PRRT3: variants seen among roughly 807,000 people sequenced by gnomAD.
PRRT3 encodes proline rich transmembrane protein 3.
A neutral mutation model predicts 56.6 loss-of-function variants in PRRT3; 48 were observed. The observed-to-expected ratio is 0.85, with a 90% confidence interval of 0.67 to 1.08. The LOEUF (loss-of-function observed/expected upper bound fraction) is 1.08, where lower values mean the gene tolerates loss of function less well. PRRT3 is among the 50% of genes least tolerant of loss of function. The probability of loss-of-function intolerance (pLI) is 0.00; values close to 1 mark genes in which losing one functional copy is unlikely to be tolerated. For missense variants in PRRT3, 1,370 were observed against 1,353.1 expected (o/e 1.01, Z -0.20); for synonymous variants, 641 against 619.1 (o/e 1.04, Z -0.52).
chr3:9,952,102 C>T (rs546217868), intron 1 of PRRT3, among the ~76,000 whole-genome samples: 8 of 152,294 alleles, frequency 5.3e-5, no homozygotes, highest in Non-Finnish European at 1.0e-4. Flanking sequence ...AGGGCGAGGC[C>T]GTTGCGGGGC....
intron 1 of PRRT3, among the ~76,000 whole-genome samples, chr3:9,951,789 G>A (rs2085623424): frequency 6.6e-6 from 1 of 152,184 alleles, no homozygotes; most frequent in Admixed American, 6.5e-5. Flanking sequence ...GGGAAGAAAC[G>A]GGGGTTCAGA....
At position 9,947,882 on chromosome 3, in the gene PRRT3, G is replaced by A; in HGVS notation, c.1291C>T (p.Pro431Ser). Residue 431 changes from proline to serine, a missense_variant, in exon 4 of 4, where the codon CCT (proline) becomes TCT (serine). Coordinates refer to ENST00000412055, the MANE Select transcript of PRRT3 (RefSeq NM_207351.5). The surrounding 1 kb of genome is among the most constrained non-coding windows in gnomAD (Gnocchi z 9.2). ...CTGGCGGTGGGCTCCGGAGGGGGAG[G>A]CTGGCCCAGGGCTCGCTGCGTGGTG... The part of the protein sequence containing the change: ...RVTTQRALGQ[P>S]PPPEPTASSM... The A allele has an allele frequency of 1.4e-6, 2 of 1,428,476 alleles. No homozygotes were observed. The highest frequency in any genetic ancestry group is 9.2e-7 in the Non-Finnish European group (1 of 1,091,976). 88.5% of individuals were successfully genotyped at this position (1,428,476 alleles called of 1,614,324 possible).
At position 9,947,467 on chromosome 3, in the gene PRRT3, T is replaced by C; in HGVS notation, c.1706A>G (p.Gln569Arg). Residue 569 changes from glutamine (Q) to arginine (R), a missense_variant, in exon 4 of 4, where the codon CAA becomes CGA. By Grantham distance (43) the Gln-to-Arg change is conservative. Transcript: ENST00000412055. The surrounding 1 kb of genome is among the most constrained non-coding windows in gnomAD (Gnocchi z 9.2). The stretch of plus-strand genomic sequence containing the variant: ...CACTGCTCCCAGCAGGAGTGGGTTT[T>C]GCAGCGGTGGCGGCAGCCCCGCGCC... ...GLGAGLPPPL[Q>R]NPLLLGAVAL... The C allele has an allele frequency of 6.2e-7, 1 of 1,612,424 alleles. No homozygotes were observed. Among genetic ancestry groups the C allele is most frequent in the Non-Finnish European group, 8.5e-7 (1 of 1,179,616 alleles).
At position 9,947,193 on chromosome 3, in the gene PRRT3, C is replaced by T; in HGVS notation, c.1980G>A (p.Trp660Ter). Residue 660 changes from tryptophan to a stop codon, truncating the protein, a stop_gained, in exon 4 of 4, where the codon TGG becomes TGA. Coordinates refer to ENST00000412055, the MANE Select transcript of PRRT3 (RefSeq NM_207351.5). LOFTEE classifies it high-confidence loss of function. This position sits in a 1 kb window ranked among gnomAD's most constrained non-coding sequence, Gnocchi z 9.2. ...CCACGCGGCCTGGGCCCGGGTACAG[C>T]CAGAGCGCAGCCGCCAGCTGCAAGC... ...ASGLQLAAAL[W>*]LYPGPGRVGR... 1 of 1,527,082 alleles carries T rather than the reference C, an allele frequency of 6.5e-7. No individual in the cohort carries two copies. Among genetic ancestry groups the T allele is most frequent in the Non-Finnish European group, 8.7e-7 (1 of 1,143,158 alleles). The allele number at this position is 1,527,082 out of a possible 1,614,324, so 94.6% of individuals were successfully genotyped here.
At chr3:9,948,047 G>T in intron 3 of PRRT3, 46 bp from the exon 4 acceptor site, 2 of 1,291,548 alleles carry the variant, frequency 1.5e-6, no homozygotes, top group South Asian at 5.7e-5. Flanking sequence ...AAGTGCTTTT[G>T]ATTTTGTATC....
chr3:9,951,861 C>G (rs2085624577), intron 1 of PRRT3, among the ~76,000 whole-genome samples: 1 of 152,212 alleles, frequency 6.6e-6, no homozygotes, highest in Admixed American at 6.5e-5. Context: ...TTGTGAAACC[C>G]TCGGAGGCTC....
chr3:9,949,621 T>C lies in PRRT3; in HGVS notation c.495A>G (p.Val165=). The change falls in exon 2 of 4, where the codon GTA becomes GTG. Residue 165 remains valine (V), a synonymous_variant. Coordinates refer to ENST00000412055, the MANE Select transcript of PRRT3 (RefSeq NM_207351.5). The surrounding 1 kb of genome is among the most constrained non-coding windows in gnomAD (Gnocchi z 4.5). ...IPTTPRRQLR[V]ATVPPSLQHE... ...GCTGCAGGGAGGGAGGAACTGTGGC[T>C]ACCCTGAGTTGACGTCTGGGAGTTG... The C allele has an allele frequency of 6.2e-7, 1 of 1,614,174 alleles. No individual in the cohort carries two copies. Among genetic ancestry groups the C allele is most frequent in the Non-Finnish European group, 8.5e-7 (1 of 1,180,026 alleles).
At position 9,946,366 on chromosome 3, in the gene PRRT3, C is replaced by G; in HGVS notation, c.2807G>C (p.Ser936Thr). Residue 936 changes from serine (S) to threonine (T), a missense_variant, in exon 4 of 4, where the codon AGC becomes ACC. Physicochemically the swap from Ser to Thr is moderately conservative, Grantham distance 58. Transcript: ENST00000412055. This position sits in a 1 kb window ranked among gnomAD's most constrained non-coding sequence, Gnocchi z 4.1. ...CGGGGCAGGCAGTAGCTGTACCGTG[C>G]TGGGCAACTCATCTAGGGGCAGACT... ...VDSLPLDELP[S>T]TVQLLPAPTP... 1 of 1,609,778 alleles carries G rather than the reference C, an allele frequency of 6.2e-7. No homozygotes were observed. Among genetic ancestry groups the G allele is most frequent in the Non-Finnish European group, 8.5e-7 (1 of 1,177,888 alleles).
At position 9,947,823 on chromosome 3, in the gene PRRT3, T is replaced by TG; in HGVS notation, c.1349dup (p.Ala451SerfsTer201). On this transcript the variant is annotated frameshift_variant, in exon 4 of 4. Transcript: ENST00000412055. LOFTEE classifies it high-confidence loss of function. This position sits in a 1 kb window ranked among gnomAD's most constrained non-coding sequence, Gnocchi z 9.2. ...GTAGCGGGGGTGCAGTGGCGTTGGC[T>TG]GGGGGGCTGGAGGCTGGGGCTGAAG... 6.9e-7 allele frequency: 1 copy of TG among 1,440,550 alleles called. No individual in the cohort carries two copies. Among genetic ancestry groups the TG allele is most frequent in the East Asian group, 2.6e-5 (1 of 38,082 alleles). The allele number at this position is 1,440,550 out of a possible 1,614,324, so 89.2% of individuals were successfully genotyped here. A position where few individuals can be genotyped will look rare whatever the true frequency, so the allele number is the denominator to read the frequency against.
At position 9,947,965 on chromosome 3, in the gene PRRT3, T is replaced by C; in HGVS notation, c.1208A>G (p.His403Arg). 1.5e-6 allele frequency: 2 copies of C among 1,366,570 alleles called. No homozygotes were observed. Among genetic ancestry groups the C allele is most frequent in the South Asian group, 4.2e-5 (2 of 47,860 alleles). The allele number at this position is 1,366,570 out of a possible 1,614,324, so 84.7% of individuals were successfully genotyped here. ...AEEWPGRPQSHPPAPPVQAPS... is the reference protein window; with the variant it reads ...AEEWPGRPQSRPPAPPVQAPS... The stretch of plus-strand genomic sequence containing the variant: ...GGCCTGGACTGGGGGTGCTGGGGGA[T>C]GGCTTTGGGGGCGCCCCGGCCACTC... The change falls in exon 4 of 4, where the codon CAT becomes CGT. Residue 403 changes from histidine (H) to arginine (R), a missense_variant. By Grantham distance (29) the His-to-Arg change is conservative. Coordinates refer to ENST00000412055, the MANE Select transcript of PRRT3 (RefSeq NM_207351.5). The surrounding 1 kb of genome is among the most constrained non-coding windows in gnomAD (Gnocchi z 9.2).
chr3:9,951,344 C>T (rs1281983906), intron 1 of PRRT3, among the ~76,000 whole-genome samples: 1 of 152,094 alleles, frequency 6.6e-6, no homozygotes, highest in East Asian at 1.9e-4. Context: ...AGCAGCTGTC[C>T]CCAAAGCTTC....
Position 9,945,600 on chromosome 3 carries a change from C to T in PRRT3, c.*627G>A, listed in dbSNP as rs1193328509. 3 of 153,022 alleles carry T rather than the reference C, an allele frequency of 2.0e-5. No individual in the cohort carries two copies. Among genetic ancestry groups the T allele is most frequent in the African/African-American group, 7.2e-5 (3 of 41,452 alleles). 9.5% of individuals were successfully genotyped at this position (153,022 alleles called of 1,614,324 possible). On this transcript the variant is annotated 3_prime_UTR_variant, in exon 4 of 4. Coordinates refer to ENST00000412055, the MANE Select transcript of PRRT3 (RefSeq NM_207351.5). Reference sequence around the variant, plus strand: ...GAGGACAATCTAGACAAGCGAGGCTCATCACTCCACGTTGGGGAGTCTGGG... The same window carrying T: ...GAGGACAATCTAGACAAGCGAGGCTTATCACTCCACGTTGGGGAGTCTGGG...
Position 9,949,262 on chromosome 3 carries a change from G to C in PRRT3, c.854C>G (p.Pro285Arg). The C allele has an allele frequency of 1.2e-6, 2 of 1,603,144 alleles. No homozygotes were observed. The highest frequency in any genetic ancestry group is 2.2e-5 in the South Asian group (2 of 89,960). ...ARSLPPAEEL[P>R]VETPKRAGAE... ...GCCAGCCCTCTTGGGGGTCTCAACC[G>C]GCAGCTCCTCAGCAGGAGGAAGGCT... Residue 285 changes from proline to arginine, a missense_variant, in exon 2 of 4, where the codon CCG becomes CGG. Transcript: ENST00000412055. This position sits in a 1 kb window ranked among gnomAD's most constrained non-coding sequence, Gnocchi z 4.5.
At chr3:9,950,443 T>C (rs1013906835) in intron 1 of PRRT3, among the ~76,000 whole-genome samples, 17 of 151,666 alleles carry the variant, frequency 1.1e-4, no homozygotes, top group African/African-American at 3.9e-4. Context: ...GTGGCTCCCA[T>C]GCCTTTTGCT....
chr3:9,948,691 C>G (rs982534092), intron 3 of PRRT3, 67 bp downstream of exon 3: 1 of 1,573,526 alleles, frequency 6.4e-7, no homozygotes, highest in Non-Finnish European at 8.7e-7. Context: ...CCCCATACAT[C>G]CCCAACAGAG....
chr3:9,946,529 C>T lies in PRRT3; in HGVS notation c.2644G>A (p.Gly882Arg). 2 of 1,468,426 alleles carry T rather than the reference C, an allele frequency of 1.4e-6. No individual in the cohort carries two copies. Among genetic ancestry groups the T allele is most frequent in the Non-Finnish European group, 1.8e-6 (2 of 1,108,032 alleles). 91.0% of individuals were successfully genotyped at this position (1,468,426 alleles called of 1,614,324 possible). The change falls in exon 4 of 4, where the codon GGG becomes AGG. Residue 882 changes from glycine (G) to arginine (R), a missense_variant. Physicochemically the swap from Gly to Arg is moderately radical, Grantham distance 125. Coordinates refer to ENST00000412055, the MANE Select transcript of PRRT3 (RefSeq NM_207351.5). This position sits in a 1 kb window ranked among gnomAD's most constrained non-coding sequence, Gnocchi z 4.1. ...CRSLSDVRVRGPVPQHVVEAP... is the reference protein window; with the variant it reads ...CRSLSDVRVRRPVPQHVVEAP... The stretch of plus-strand genomic sequence containing the variant: ...TCCACTACGTGCTGTGGGACCGGCC[C>T]GCGCACGCGCACGTCGCTGAGCGAC...
Position 9,949,600 on chromosome 3 carries a change from CAGGG to C in PRRT3, c.512_515del (p.Ser171CysfsTer17). On this transcript the variant is annotated frameshift_variant, in exon 2 of 4. Transcript: ENST00000412055. LOFTEE classifies it high-confidence loss of function. This position sits in a 1 kb window ranked among gnomAD's most constrained non-coding sequence, Gnocchi z 4.5. ...ACTGTCCCTCTTGGCCTTCATGCTG[CAGGG>C]AGGGAGGAACTGTGGCTACCCTGAG... 6.2e-7 allele frequency: 1 copy of C among 1,614,108 alleles called. No individual in the cohort carries two copies. The highest frequency in any genetic ancestry group is 8.5e-7 in the Non-Finnish European group (1 of 1,180,040).
At position 9,949,615 on chromosome 3, in the gene PRRT3, T is replaced by A; in HGVS notation, c.501A>T (p.Thr167=). 6.2e-7 allele frequency: 1 copy of A among 1,614,176 alleles called. No homozygotes were observed. Among genetic ancestry groups the A allele is most frequent in the Non-Finnish European group, 8.5e-7 (1 of 1,180,042 alleles). The part of the protein sequence containing the change: ...TTPRRQLRVA[T]VPPSLQHEGQ... ...CTTCATGCTGCAGGGAGGGAGGAACTGTGGCTACCCTGAGTTGACGTCTGG... is the reference window on the plus strand; with the variant it reads ...CTTCATGCTGCAGGGAGGGAGGAACAGTGGCTACCCTGAGTTGACGTCTGG... Residue 167 remains threonine, a synonymous_variant, in exon 2 of 4, where the codon ACA becomes ACT. Transcript: ENST00000412055. This position sits in a 1 kb window ranked among gnomAD's most constrained non-coding sequence, Gnocchi z 4.5.
chr3:9,952,143 T>TCTCCTCCTC (rs562516938), intron 1 of PRRT3, among the ~76,000 whole-genome samples, 179 bp downstream of exon 1: 86 of 151,146 alleles, frequency 5.7e-4, no homozygotes, highest in African/African-American at 2.0e-3. Context: ...TCGGGTTACC[T>TCTCCTCCTC]CTCCTCCTCC....
Sources: allele counts gnomAD v4.1 joint callset (sites outside exome capture counted in the v4.1 genomes callset), GRCh38; gene constraint gnomAD v4.1.1; non-coding constraint Gnocchi (gnomAD v3.1); transcripts MANE v1.5; gene names NCBI Gene and HGNC (gene_info 2026-07-23, HGNC 2026-07-21).